The following DLG1 variants were observed in gnomAD, a reference collection of about 807,000 sequenced individuals.
DLG1 encodes discs large MAGUK scaffold protein 1, also known as disks large homolog 1.
Under a neutral mutation model 123.4 loss-of-function variants are expected in DLG1, and 42 were observed. The observed-to-expected ratio is 0.34, with a 90% CI of 0.27 to 0.44. The LOEUF (loss-of-function observed/expected upper bound fraction) is 0.44, where lower values mean the gene tolerates loss of function less well. DLG1 is among the 20% of genes least tolerant of loss of function. DLG1 has a pLI of 1.00. For synonymous variants in DLG1, 317 were observed against 356.2 expected, an observed-to-expected ratio of 0.89 and a Z score of 1.24; for missense variants, 942 against 1,082.6, an observed-to-expected ratio of 0.87 and a Z score of 1.82.
At chr3:197,265,834 G>A (rs753343491) in intron 4 of DLG1, among the ~76,000 whole-genome samples, 22 of 152,084 alleles carry the variant, frequency 1.4e-4, no homozygotes, top group Non-Finnish European at 2.9e-4. Context: ...AGTGGATCAC[G>A]AGGTCAGGAA....
At chr3:197,079,389 T>C (rs1749425073) in intron 17 of DLG1, among the ~76,000 whole-genome samples, 2 of 152,094 alleles carry the variant, frequency 1.3e-5, no homozygotes, top group Admixed American at 6.6e-5. Context: ...AAGTAGGAAA[T>C]GGTACTATAG....
chr3:197,260,099 C>A (rs1391834636), intron 4 of DLG1, among the ~76,000 whole-genome samples: 1 of 152,144 alleles, frequency 6.6e-6, no homozygotes, highest in Admixed American at 6.6e-5. Flanking sequence ...TTTCAAAATA[C>A]CGCCCTTTCT....
intron 4 of DLG1, among the ~76,000 whole-genome samples, chr3:197,206,775 T>A (rs1253296860): frequency 6.6e-6 from 1 of 151,894 alleles, no homozygotes; most frequent in East Asian, 1.9e-4. Flanking sequence ...ATTACCACAA[T>A]TTACAGATCA....
intron 5 of DLG1, among the ~76,000 whole-genome samples, chr3:197,185,509 C>T (rs1046158007): frequency 2.0e-5 from 3 of 152,096 alleles, no homozygotes; most frequent in African/African-American, 7.2e-5. Flanking sequence ...CAGAGTGATC[C>T]TATCTAATTC....
chr3:197,143,631 A>C lies in DLG1; in HGVS notation c.538-863T>G, dbSNP rs908207851. On this transcript the variant is annotated intron_variant, in intron 6 of 24. Transcript: ENST00000667157. The stretch of plus-strand genomic sequence containing the variant: ...AACTCTCCCTTCCTAGAAATATCCA[A>C]ACTCTATGGGTTGGTAATCATGTCT... 2.0e-5 allele frequency among the ~76,000 whole-genome samples: 3 copies of C among 152,218 alleles called. No homozygotes were observed. The East Asian group carries it at 5.8e-4, about 29-fold the overall frequency.
At chr3:197,138,084 C>T (rs756360019) in intron 9 of DLG1, 138 bp downstream of exon 9, 8 of 449,168 alleles carry the variant, frequency 1.8e-5, no homozygotes, top group African/African-American at 6.1e-5. Flanking sequence ...GTAGAAATAA[C>T]GGAGAAATTA....
At chr3:197,144,950 G>A (rs952490293) in intron 6 of DLG1, among the ~76,000 whole-genome samples, 1 of 152,124 alleles carries the variant, frequency 6.6e-6, no homozygotes, top group African/African-American at 2.4e-5. Context: ...TTGAGTAGCT[G>A]AGACTACAGG....
intron 3 of DLG1, among the ~76,000 whole-genome samples, chr3:197,287,775 T>A (rs1772563176): frequency 6.6e-6 from 1 of 152,182 alleles, no homozygotes; most frequent in Non-Finnish European, 1.5e-5. Context: ...ATTCCATATA[T>A]CAGAGTAGAA....
chr3:197,252,295 A>G (rs1754814589), intron 4 of DLG1, among the ~76,000 whole-genome samples: 2 of 152,216 alleles, frequency 1.3e-5, no homozygotes, highest in Non-Finnish European at 2.9e-5. Flanking sequence ...TACTGTTTTC[A>G]TAGCAATATT....
intron 14 of DLG1, among the ~76,000 whole-genome samples, chr3:197,098,145 C>T (rs1208677880): frequency 6.6e-6 from 1 of 152,158 alleles, no homozygotes; most frequent in Non-Finnish European, 1.5e-5. Flanking sequence ...TTCCTTAGCC[C>T]TGAGTTCCGA....
At chr3:197,295,201 T>G (rs937682715) in intron 3 of DLG1, among the ~76,000 whole-genome samples, 1 of 152,166 alleles carries the variant, frequency 6.6e-6, no homozygotes, top group African/African-American at 2.4e-5. Context: ...CTTATGTTTT[T>G]AAAAGTCTAT....
At chr3:197,124,405 G>C (rs1777966068) in intron 11 of DLG1, among the ~76,000 whole-genome samples, 1 of 152,078 alleles carries the variant, frequency 6.6e-6, no homozygotes, top group Non-Finnish European at 1.5e-5. Flanking sequence ...CTCCCGAGTA[G>C]TGGGGACTGC....
rs974504883 is a variant in DLG1, at chr3:197,067,718, C to T, written c.2048-964G>A. ...GATTACAGGCATGTGCCATCATGCC[C>T]AGCTAATTTTGTATTTTTAGTAAAG... is the stretch of plus-strand genomic sequence containing the variant. On this transcript the variant is annotated intron_variant, in intron 19 of 24. Coordinates refer to ENST00000667157, the MANE Select transcript of DLG1 (RefSeq NM_001366207.1). Among the ~76,000 whole-genome samples, 5 of 152,078 alleles carry T rather than the reference C, an allele frequency of 3.3e-5. No homozygotes were observed. The East Asian group carries it at 9.6e-4, about 29-fold the overall frequency.
At chr3:197,224,375 A>C (rs922951630) in intron 4 of DLG1, among the ~76,000 whole-genome samples, 2 of 152,174 alleles carry the variant, frequency 1.3e-5, no homozygotes, top group Non-Finnish European at 2.9e-5. Context: ...ATTTACCTAC[A>C]TATAAGGAGG....
intron 5 of DLG1, among the ~76,000 whole-genome samples, chr3:197,187,520 T>G (rs1716804757): frequency 6.6e-6 from 1 of 152,208 alleles, no homozygotes; most frequent in African/African-American, 2.4e-5. Flanking sequence ...TTCTGTTTGA[T>G]TTCAAGTCCC....
intron 5 of DLG1, among the ~76,000 whole-genome samples, chr3:197,174,219 T>C (rs998538493): frequency 6.6e-6 from 1 of 152,060 alleles, no homozygotes; most frequent in Non-Finnish European, 1.5e-5. Flanking sequence ...ATGAAGAAAA[T>C]AGAAAATGGC....
intron 19 of DLG1, chr3:197,068,406 T>A (rs574231460): frequency 3.7e-6 from 3 of 815,324 alleles, no homozygotes; most frequent in Non-Finnish European, 5.8e-6. Flanking sequence ...ATTAAGTAAC[T>A]ATTGTGTAGA....
rs1202785707 is a variant in DLG1, at chr3:197,167,211, C to T, written c.484-17415G>A. ...AAATAAATGAAGATAAGAGCATTTT[C>T]TTACAACAAAATGCTAACTAAAAAT... On this transcript the variant is annotated intron_variant, in intron 5 of 24. Coordinates refer to ENST00000667157, the MANE Select transcript of DLG1 (RefSeq NM_001366207.1). Among the ~76,000 whole-genome samples the T allele has an allele frequency of 2.0e-5, 3 of 152,226 alleles. No homozygotes were observed. In the East Asian group the frequency reaches 5.8e-4, roughly 29 times the overall value.
chr3:197,296,239 G>C (rs77436670), intron 3 of DLG1, 107 bp downstream of exon 3: 2 of 1,093,550 alleles, frequency 1.8e-6, no homozygotes, highest in African/African-American at 1.6e-5. Context: ...TCAAGTTACC[G>C]AATGCCTCAG....
Sources: gnomAD v4.1 joint callset for allele counts (sites outside exome capture counted in the v4.1 genomes callset) on GRCh38, gnomAD v4.1.1 for gene constraint, MANE v1.5 for transcripts, NCBI Gene and HGNC (gene_info 2026-07-23, HGNC 2026-07-21) for gene names.